Variants in RBMXL2 observed in about 807,000 individuals in gnomAD.
RBMXL2 encodes RNA-binding motif protein, X-linked-like-2.
A neutral mutation model predicts 1.0 loss-of-function variants in RBMXL2; 2 were observed. That is an observed-to-expected ratio of 2.05 (90% CI 0.84 to 6.44). The LOEUF is 6.44. Among genes scored for constraint, RBMXL2 ranks in the 30% most tolerant of loss-of-function variants. RBMXL2 has a pLI of 0.05. For synonymous variants in RBMXL2, 313 were observed against 267.9 expected (o/e 1.17, Z -1.64); for missense variants, 658 against 608.5 (o/e 1.08, Z -0.85).
Position 7,089,197 on chromosome 11 carries a change from C to G in RBMXL2, c.77C>G (p.Ala26Gly), listed in dbSNP as rs1196354989. The change falls in exon 1 of 1, where the codon GCC becomes GGC. Residue 26 changes from alanine to glycine, a missense_variant. By Grantham distance (60) the Ala-to-Gly change is moderately conservative. Transcript: ENST00000306904. ...GAAACCGACGAGAAAGCCCTCGAAG[C>G]CGAGTTTGGCAAGTATGGCCGCATC... ...NLETDEKALE[A>G]EFGKYGRIVE... 21 of 1,613,748 alleles carry G rather than the reference C, an allele frequency of 1.3e-5. No homozygotes were observed. Among genetic ancestry groups the G allele is most frequent in the Non-Finnish European group, 1.7e-5 (20 of 1,179,898 alleles).
At position 7,090,619 on chromosome 11, in the gene RBMXL2, G is replaced by T; in HGVS notation, c.*320G>T. The stretch of plus-strand genomic sequence containing the variant: ...CTTGTAAATTTTCTTGATAAATGAG[G>T]CAAACAGTTCTAAGATCTTTGATAA... On this transcript the variant is annotated 3_prime_UTR_variant, in exon 1 of 1. Coordinates refer to ENST00000306904, the MANE Select transcript of RBMXL2 (RefSeq NM_014469.5). 2.5e-6 allele frequency: 1 copy of T among 402,602 alleles called. No homozygotes were observed. Among genetic ancestry groups the T allele is most frequent in the African/African-American group, 2.1e-5 (1 of 48,530 alleles). The allele number at this position is 402,602 out of a possible 1,614,324, so 24.9% of individuals were successfully genotyped here.
chr11:7,089,081 C>G lies in RBMXL2; in HGVS notation c.-40C>G. 1 of 1,595,956 alleles carries G rather than the reference C, an allele frequency of 6.3e-7. No homozygotes were observed. The highest frequency in any genetic ancestry group is 8.6e-7 in the Non-Finnish European group (1 of 1,169,072). Reference sequence around the variant, plus strand: ...AAGGCTGCGACTGGCGCCGCCTCACCGCCTCCCACCGCCACTGACCGACCG... The same window carrying G: ...AAGGCTGCGACTGGCGCCGCCTCACGGCCTCCCACCGCCACTGACCGACCG... On this transcript the variant is annotated 5_prime_UTR_variant, in exon 1 of 1. Transcript: ENST00000306904.
In RBMXL2 at chr11:7,089,588, G is replaced by T. The variant is rs1424631841; in HGVS notation, c.468G>T (p.Arg156Ser). 8.4e-7 allele frequency: 1 copy of T among 1,184,394 alleles called. No homozygotes were observed. Among genetic ancestry groups the T allele is most frequent in the Non-Finnish European group, 1.0e-6 (1 of 958,582 alleles). 73.4% of individuals were successfully genotyped at this position (1,184,394 alleles called of 1,614,324 possible). ...MPMKRGPPPRRVGPPPKRAAP... is the reference protein window; with the variant it reads ...MPMKRGPPPRSVGPPPKRAAP... ...TGAAGCGTGGGCCGCCGCCGCGCAG[G>T]GTCGGCCCACCCCCCAAGAGGGCCG... The change falls in exon 1 of 1, where the codon AGG becomes AGT. Residue 156 changes from arginine to serine, a missense_variant. Transcript: ENST00000306904.
rs757201321 is a variant in RBMXL2 at position 7,089,929 on chromosome 11, A to T, written c.809A>T (p.Tyr270Phe). The change falls in exon 1 of 1, where the codon TAC (tyrosine) becomes TTC (phenylalanine). Residue 270 changes from tyrosine to phenylalanine, a missense_variant. Tyr to Phe is a conservative substitution (Grantham distance 22, BLOSUM62 3). Transcript: ENST00000306904. Reference protein sequence around the residue: ...RDGYGGRDRDYGDHLSRGSHR... With the variant: ...RDGYGGRDRDFGDHLSRGSHR... ...GGCTACGGAGGTCGCGACCGTGACT[A>T]CGGGGATCATCTGAGCAGAGGCTCC... The T allele has an allele frequency of 3.7e-6, 6 of 1,612,792 alleles. No individual in the cohort carries two copies. The Admixed American group carries it at 5.0e-5, about 13-fold the overall frequency.
At position 7,090,198 on chromosome 11, in the gene RBMXL2, C is replaced by T. The variant is rs1168755060; in HGVS notation, c.1078C>T (p.Pro360Ser). The T allele has an allele frequency of 4.3e-6, 7 of 1,612,962 alleles. No individual in the cohort carries two copies. Among genetic ancestry groups the T allele is most frequent in the South Asian group, 2.2e-5 (2 of 90,738 alleles). Reference sequence around the variant, plus strand: ...TCTGTCCATGGAAAGGGGCTGCCCTCCCCAGCGTGATTCTTACAGCCGGTC... The same window carrying T: ...TCTGTCCATGGAAAGGGGCTGCCCTTCCCAGCGTGATTCTTACAGCCGGTC... ...LSLSMERGCP[P>S]QRDSYSRSGC... Residue 360 changes from proline (P) to serine (S), a missense_variant, in exon 1 of 1, where the codon CCC (proline) becomes TCC (serine). Physicochemically the swap from Pro to Ser is moderately conservative, Grantham distance 74. Coordinates refer to ENST00000306904, the MANE Select transcript of RBMXL2 (RefSeq NM_014469.5).
chr11:7,090,290 C>CAGAT lies in RBMXL2; in HGVS notation c.1172_1175dup (p.Tyr392Ter). ...GCTTGGAGAGAGGAGGAGGCCGGAG[C>CAGAT]AGATACTAAGCAGGAACAGACTTGG... On this transcript the variant is annotated frameshift_variant, in exon 1 of 1. Coordinates refer to ENST00000306904, the MANE Select transcript of RBMXL2 (RefSeq NM_014469.5). LOFTEE classifies it high-confidence loss of function. 1 of 1,597,964 alleles carries CAGAT rather than the reference C, an allele frequency of 6.3e-7. No homozygotes were observed.
rs746090775 is a variant in RBMXL2 at position 7,089,878 on chromosome 11, C to T, written c.758C>T (p.Pro253Leu). Residue 253 changes from proline to leucine, a missense_variant, in exon 1 of 1, where the codon CCC (proline) becomes CTC (leucine). Coordinates refer to ENST00000306904, the MANE Select transcript of RBMXL2 (RefSeq NM_014469.5). ...YGHSSVRDDC[P>L]LRGYSDRDGY... ...CACTCCAGTGTCCGGGACGACTGTC[C>T]CTTGAGAGGCTACAGCGACCGAGAC... The T allele has an allele frequency of 6.2e-7, 1 of 1,612,856 alleles. No individual in the cohort carries two copies. Among genetic ancestry groups the T allele is most frequent in the Non-Finnish European group, 8.5e-7 (1 of 1,179,954 alleles).
Position 7,090,622 on chromosome 11 carries a change from A to G in RBMXL2, c.*323A>G. ...GTAAATTTTCTTGATAAATGAGGCA[A>G]ACAGTTCTAAGATCTTTGATAAACA... is the stretch of plus-strand genomic sequence containing the variant. On this transcript the variant is annotated 3_prime_UTR_variant, in exon 1 of 1. Coordinates refer to ENST00000306904, the MANE Select transcript of RBMXL2 (RefSeq NM_014469.5). 1 of 399,150 alleles carries G rather than the reference A, an allele frequency of 2.5e-6. No individual in the cohort carries two copies. Among genetic ancestry groups the G allele is most frequent in the Non-Finnish European group, 4.9e-6 (1 of 203,848 alleles). The allele number at this position is 399,150 out of a possible 1,614,324, so 24.7% of individuals were successfully genotyped here. A position where few individuals can be genotyped will look rare whatever the true frequency, so the allele number is the denominator to read the frequency against.
In RBMXL2 at chr11:7,089,652, C is replaced by A; in HGVS notation, c.532C>A (p.Arg178Ser). The A allele has an allele frequency of 5.8e-6, 8 of 1,388,620 alleles. No homozygotes were observed. Among genetic ancestry groups the A allele is most frequent in the Non-Finnish European group, 6.5e-6 (7 of 1,075,722 alleles). The allele number at this position is 1,388,620 out of a possible 1,614,324, so 86.0% of individuals were successfully genotyped here. ...GPARSSGGGM[R>S]GRALAVRGRD... The stretch of plus-strand genomic sequence containing the variant: ...GGCTCGCAGCAGCGGCGGTGGAATG[C>A]GCGGGAGGGCCCTGGCCGTGCGGGG... Residue 178 changes from arginine (R) to serine (S), a missense_variant, in exon 1 of 1, where the codon CGC becomes AGC. Arg to Ser is a moderately radical substitution (Grantham distance 110). Coordinates refer to ENST00000306904, the MANE Select transcript of RBMXL2 (RefSeq NM_014469.5).
rs772757059 is a variant in RBMXL2 at position 7,089,304 on chromosome 11, G to A, written c.184G>A (p.Ala62Thr). 2 of 1,605,672 alleles carry A rather than the reference G, an allele frequency of 1.2e-6. No individual in the cohort carries two copies. Among genetic ancestry groups the A allele is most frequent in the South Asian group, 1.1e-5 (1 of 89,692 alleles). The change falls in exon 1 of 1, where the codon GCC becomes ACC. Residue 62 changes from alanine to threonine, a missense_variant. Coordinates refer to ENST00000306904, the MANE Select transcript of RBMXL2 (RefSeq NM_014469.5). ...CGTCACCTTTGAAAGCCCCGCAGAC[G>A]CCAAGGCCGCCGCCAGAGACATGAA... ...AFVTFESPAD[A>T]KAAARDMNGK...
Position 7,089,704 on chromosome 11 carries a change from G to C in RBMXL2, c.584G>C (p.Arg195Pro). 6.7e-7 allele frequency: 1 copy of C among 1,495,286 alleles called. No homozygotes were observed. Among genetic ancestry groups the C allele is most frequent in the Non-Finnish European group, 8.9e-7 (1 of 1,121,474 alleles). 92.6% of individuals were successfully genotyped at this position (1,495,286 alleles called of 1,614,324 possible). The change falls in exon 1 of 1, where the codon CGC becomes CCC. Residue 195 changes from arginine to proline, a missense_variant. Arg to Pro is a moderately radical substitution (Grantham distance 103). Coordinates refer to ENST00000306904, the MANE Select transcript of RBMXL2 (RefSeq NM_014469.5). ...RGRDGYSGPP[R>P]REPLPPRRDP... is the part of the protein sequence containing the mutation. ...CGAGACGGCTACTCAGGCCCACCGC[G>C]CCGGGAGCCGCTGCCCCCGCGCCGC...
rs2119486583 is a variant in RBMXL2 at position 7,089,019 on chromosome 11, CCT to C, written c.-101_-100del. 5 of 1,397,050 alleles carry C rather than the reference CCT, an allele frequency of 3.6e-6. No homozygotes were observed. The highest frequency in any genetic ancestry group is 5.0e-6 in the Non-Finnish European group (5 of 1,007,744). 86.5% of individuals were successfully genotyped at this position (1,397,050 alleles called of 1,614,324 possible). On this transcript the variant is annotated 5_prime_UTR_variant, in exon 1 of 1. Coordinates refer to ENST00000306904, the MANE Select transcript of RBMXL2 (RefSeq NM_014469.5). Reference sequence around the variant, plus strand: ...CCGTGGACTCGGCGACTAGGCGCCGCCTGACCAGTAGGAGCCGCCCTCGACGA... The same window carrying C: ...CCGTGGACTCGGCGACTAGGCGCCGCGACCAGTAGGAGCCGCCCTCGACGA...
At position 7,089,817 on chromosome 11, in the gene RBMXL2, C is replaced by G; in HGVS notation, c.697C>G (p.Pro233Ala). The change falls in exon 1 of 1, where the codon CCC (proline) becomes GCC (alanine). Residue 233 changes from proline (P) to alanine (A), a missense_variant. Pro to Ala is a conservative substitution (Grantham distance 27). Coordinates refer to ENST00000306904, the MANE Select transcript of RBMXL2 (RefSeq NM_014469.5). ...CTACCGCGAACCCCGGGGTTTTGCC[C>G]CCTCGCCCGGAGAGTACACCCACCG... is the stretch of plus-strand genomic sequence containing the variant. ...RDYREPRGFA[P>A]SPGEYTHRDY... 6.2e-7 allele frequency: 1 copy of G among 1,607,834 alleles called. No homozygotes were observed. Among genetic ancestry groups the G allele is most frequent in the African/African-American group, 1.3e-5 (1 of 74,984 alleles).
Position 7,090,353 on chromosome 11 carries a change from A to C in RBMXL2, c.*54A>C. 6.5e-7 allele frequency: 1 copy of C among 1,531,322 alleles called. No homozygotes were observed. The highest frequency in any genetic ancestry group is 2.4e-5 in the East Asian group (1 of 41,072). The allele number at this position is 1,531,322 out of a possible 1,614,324, so 94.9% of individuals were successfully genotyped here. ...CTTTTCAACGAAACTAACAAAAAGA[A>C]GAACCTGTTGTATGGTAACTACCCA... On this transcript the variant is annotated 3_prime_UTR_variant, in exon 1 of 1. Coordinates refer to ENST00000306904, the MANE Select transcript of RBMXL2 (RefSeq NM_014469.5).
chr11:7,089,012 G>C lies in RBMXL2; in HGVS notation c.-109G>C, dbSNP rs7119420. The C allele has an allele frequency of 0.27, 361,783 of 1,325,840 alleles. 51,860 individuals are homozygous for C. The highest frequency in any genetic ancestry group is 0.4 in the African/African-American group (27,704 of 68,780). 82.1% of individuals were successfully genotyped at this position (1,325,840 alleles called of 1,614,324 possible). On this transcript the variant is annotated 5_prime_UTR_variant, in exon 1 of 1. Transcript: ENST00000306904. ...TGCGGTTCCGTGGACTCGGCGACTA[G>C]GCGCCGCCTGACCAGTAGGAGCCGC...
chr11:7,090,194 C>T lies in RBMXL2; in HGVS notation c.1074C>T (p.Cys358=), dbSNP rs1414835297. The change falls in exon 1 of 1, where the codon TGC becomes TGT. Residue 358 remains cysteine, a synonymous_variant. Transcript: ENST00000306904. ...TCTCTCTGTCCATGGAAAGGGGCTG[C>T]CCTCCCCAGCGTGATTCTTACAGCC... The part of the protein sequence containing the change: ...RGLSLSMERG[C]PPQRDSYSRS... 2 of 1,612,952 alleles carry T rather than the reference C, an allele frequency of 1.2e-6. No individual in the cohort carries two copies. The highest frequency in any genetic ancestry group is 3.3e-5 in the Admixed American group (2 of 59,902).
chr11:7,090,134 G>A lies in RBMXL2; in HGVS notation c.1014G>A (p.Arg338=), dbSNP rs1853104026. The A allele has an allele frequency of 6.2e-7, 1 of 1,613,180 alleles. No homozygotes were observed. Among genetic ancestry groups the A allele is most frequent in the Non-Finnish European group, 8.5e-7 (1 of 1,179,600 alleles). ...ATGGCCGGAGCGACCGCTACTCGAG[G>A]GGCCGACACCGGGTGGGCAGACCAG... ...SSYGRSDRYS[R]GRHRVGRPDR... Residue 338 remains arginine (R), a synonymous_variant, in exon 1 of 1, where the codon AGG becomes AGA. Coordinates refer to ENST00000306904, the MANE Select transcript of RBMXL2 (RefSeq NM_014469.5).
In RBMXL2 at chr11:7,089,098, G is replaced by A. The variant is rs1853076034; in HGVS notation, c.-23G>A. On this transcript the variant is annotated 5_prime_UTR_variant, in exon 1 of 1. Transcript: ENST00000306904. ...CGCCTCACCGCCTCCCACCGCCACT[G>A]ACCGACCGTTCGACCGGCAAACATG... is the stretch of plus-strand genomic sequence containing the variant. 1.2e-6 allele frequency: 2 copies of A among 1,608,580 alleles called. No individual in the cohort carries two copies. Among genetic ancestry groups the A allele is most frequent in the East Asian group, 4.5e-5 (2 of 44,706 alleles).
rs1357942642 is a variant in RBMXL2, at chr11:7,090,620, CA to C, written c.*324del. 9.9e-6 allele frequency: 4 copies of C among 402,414 alleles called. No homozygotes were observed. Among genetic ancestry groups the C allele is most frequent in the African/African-American group, 8.3e-5 (4 of 48,398 alleles). 24.9% of individuals were successfully genotyped at this position (402,414 alleles called of 1,614,324 possible). Reference sequence around the variant, plus strand: ...TTGTAAATTTTCTTGATAAATGAGGCAAACAGTTCTAAGATCTTTGATAAAC... The same window carrying C: ...TTGTAAATTTTCTTGATAAATGAGGCAACAGTTCTAAGATCTTTGATAAAC... On this transcript the variant is annotated 3_prime_UTR_variant, in exon 1 of 1. Coordinates refer to ENST00000306904, the MANE Select transcript of RBMXL2 (RefSeq NM_014469.5).
Sources: gnomAD v4.1 joint callset for allele counts on GRCh38, gnomAD v4.1.1 for gene constraint, MANE v1.5 for transcripts, NCBI Gene and HGNC (gene_info 2026-07-23, HGNC 2026-07-21) for gene names.